CACNB4: variants seen among roughly 807,000 people sequenced by gnomAD.
CACNB4 encodes the protein voltage-dependent L-type calcium channel subunit beta-4.
CACNB4 carries 32 observed loss-of-function variants against 71.2 expected under a neutral mutation model. The ratio of observed to expected loss-of-function variants is 0.45; its 90% CI spans 0.34 to 0.60. The LOEUF (loss-of-function observed/expected upper bound fraction) is 0.60, where lower values mean the gene tolerates loss of function less well. Among genes scored for constraint, CACNB4 ranks in the 20% least tolerant of loss-of-function variants. The pLI is 0.01. For synonymous variants in CACNB4, 231 were observed against 236.9 expected, an observed-to-expected ratio of 0.97 and a Z score of 0.23; for missense variants, 464 against 647.9, an observed-to-expected ratio of 0.72 and a Z score of 3.08.
chr2:151,964,093 A>G (rs2151705897), intron 2 of CACNB4, among the ~76,000 whole-genome samples: 1 of 146,310 alleles, frequency 6.8e-6, no homozygotes, highest in African/African-American at 2.5e-5. Context: ...AAAAAAAAGA[A>G]TGTTAACTGT....
At chr2:152,084,931 T>C (rs981584106) in intron 2 of CACNB4, among the ~76,000 whole-genome samples, 2 of 152,096 alleles carry the variant, frequency 1.3e-5, no homozygotes, top group African/African-American at 4.8e-5. Context: ...TGTCAATGTA[T>C]ACCCACAGGC....
intron 2 of CACNB4, among the ~76,000 whole-genome samples, chr2:151,888,072 A>C (rs968204832): frequency 6.6e-6 from 1 of 152,218 alleles, no homozygotes; most frequent in African/African-American, 2.4e-5. Flanking sequence ...CTAATAGAAC[A>C]TTTCCAATAC....
intron 2 of CACNB4, among the ~76,000 whole-genome samples, chr2:151,951,351 T>C (rs2099866871): frequency 6.6e-6 from 1 of 151,492 alleles, no homozygotes; most frequent in Admixed American, 6.6e-5. Flanking sequence ...CAATTCCCCC[T>C]CTAATCGATC....
chr2:151,975,487 T>C (rs1235499207), intron 2 of CACNB4, among the ~76,000 whole-genome samples: 1 of 152,154 alleles, frequency 6.6e-6, no homozygotes, highest in Non-Finnish European at 1.5e-5. Context: ...ATGGTAGGGT[T>C]TGAACAGATT....
At chr2:151,922,355 G>T (rs1199914860) in intron 2 of CACNB4, among the ~76,000 whole-genome samples, 2 of 152,084 alleles carry the variant, frequency 1.3e-5, no homozygotes, top group African/African-American at 4.8e-5. Context: ...GGCGTGTGCT[G>T]CCTTGGCTGG....
chr2:152,032,447 G>A (rs1375261309), intron 2 of CACNB4, among the ~76,000 whole-genome samples: 1 of 151,980 alleles, frequency 6.6e-6, no homozygotes, highest in African/African-American at 2.4e-5. Context: ...ATTGATGGTG[G>A]CACATCTAAC....
At chr2:151,944,031 T>C (rs1303925692) in intron 2 of CACNB4, among the ~76,000 whole-genome samples, 21 of 150,276 alleles carry the variant, frequency 1.4e-4, no homozygotes, top group African/African-American at 4.4e-4. Context: ...TTCTTTCTTT[T>C]TTTTTTTTTT....
intron 12 of CACNB4, among the ~76,000 whole-genome samples, chr2:151,843,111 G>A (rs2099836644): frequency 6.6e-6 from 1 of 152,170 alleles, no homozygotes; most frequent in Non-Finnish European, 1.5e-5. Context: ...GGACAGTAAG[G>A]CCATTGTTCA....
intron 8 of CACNB4, 41 bp from the exon 9 acceptor site, chr2:151,869,276 CAG>C (rs143110116): frequency 0.018 from 19,624 of 1,086,138 alleles, no homozygotes; most frequent in South Asian, 0.039. Context: ...CAAACACATG[CAG>C]AGAGAGAGAG....
intron 2 of CACNB4, among the ~76,000 whole-genome samples, chr2:151,914,955 T>C (rs2099857085): frequency 6.6e-6 from 1 of 152,152 alleles, no homozygotes; most frequent in Non-Finnish European, 1.5e-5. Flanking sequence ...TGTCACCCAG[T>C]TGAGTGGCAC....
intron 2 of CACNB4, among the ~76,000 whole-genome samples, chr2:152,063,580 C>T (rs1027340953): frequency 1.6e-4 from 25 of 152,198 alleles, no homozygotes; most frequent in African/African-American, 6.0e-4. Flanking sequence ...AACAGCACTC[C>T]TCACAGATTG....
intron 2 of CACNB4, among the ~76,000 whole-genome samples, chr2:152,001,718 GAAAA>G (rs70974817): frequency 7.8e-6 from 1 of 127,876 alleles, no homozygotes; most frequent in Non-Finnish European, 1.6e-5. Context: ...TGTCTCGAAA[GAAAA>G]AAAAAAAAAA....
chr2:152,006,053 C>T (rs1475913008), intron 2 of CACNB4, among the ~76,000 whole-genome samples: 1 of 151,992 alleles, frequency 6.6e-6, no homozygotes, highest in Non-Finnish European at 1.5e-5. Context: ...CAATTTTTAC[C>T]CATAATCTTC....
At chr2:151,854,128 C>T (rs886402178) in intron 11 of CACNB4, 1 of 152,396 alleles carries the variant, frequency 6.6e-6, no homozygotes. Flanking sequence ...TGCCATGTCC[C>T]GTGGCCCTTC....
At chr2:151,943,485 T>C (rs1217886720) in intron 2 of CACNB4, among the ~76,000 whole-genome samples, 1 of 151,872 alleles carries the variant, frequency 6.6e-6, no homozygotes, top group African/African-American at 2.4e-5. Flanking sequence ...TTGGATAAGA[T>C]GGAGTAAGTA....
At chr2:151,863,684 A>G (rs567845552) in intron 9 of CACNB4, among the ~76,000 whole-genome samples, 1 of 152,218 alleles carries the variant, frequency 6.6e-6, no homozygotes, top group African/African-American at 2.4e-5. Context: ...CTGAGTTATA[A>G]AAGTACTTTT....
chr2:151,996,478 TAA>T lies in CACNB4; in HGVS notation c.147+101850_147+101851del, dbSNP rs58787133. On this transcript the variant is annotated intron_variant, in intron 2 of 13. Transcript: ENST00000539935. ...GGCAACAGAGCAAGACCCTGTCTCTTAAAAAAAAAAAAAAAAAAGAATAGAGA... is the reference window on the plus strand; with the variant it reads ...GGCAACAGAGCAAGACCCTGTCTCTTAAAAAAAAAAAAAAAAGAATAGAGA... Among the ~76,000 whole-genome samples, 427 of 136,244 alleles carry T rather than the reference TAA, an allele frequency of 3.1e-3. 1 individual carries two copies. The highest frequency in any genetic ancestry group is 5.9e-3 in the African/African-American group (218 of 36,816). 89.4% of individuals were successfully genotyped at this position (136,244 alleles called of 152,430 possible). A position where few individuals can be genotyped will look rare whatever the true frequency, so the allele number is the denominator to read the frequency against.
intron 2 of CACNB4, among the ~76,000 whole-genome samples, chr2:152,079,138 G>A (rs1010226881): frequency 2.6e-5 from 4 of 152,050 alleles, no homozygotes; most frequent in African/African-American, 9.7e-5. Flanking sequence ...GCCCAGGCTG[G>A]AGTGCAGTGG....
At chr2:151,973,470 G>T in intron 2 of CACNB4, 2 of 582,284 alleles carry the variant, frequency 3.4e-6, no homozygotes, top group Non-Finnish European at 6.1e-6. Context: ...TTTCTTTTTT[G>T]CTTGACAATA....
Sources: allele counts gnomAD v4.1 joint callset (sites outside exome capture counted in the v4.1 genomes callset), GRCh38; gene constraint gnomAD v4.1.1; transcripts MANE v1.5; gene names NCBI Gene and HGNC (gene_info 2026-07-23, HGNC 2026-07-21).